Variants in BOD1L1 observed in about 807,000 individuals in gnomAD.
BOD1L1 encodes the protein biorientation of chromosomes in cell division protein 1-like 1.
In BOD1L1, 86 loss-of-function variants were observed where a neutral mutation model predicts 240.7. That is an observed-to-expected ratio of 0.36 (90% CI 0.30 to 0.43). The LOEUF (loss-of-function observed/expected upper bound fraction) is 0.43. BOD1L1 is among the 20% of genes least tolerant of loss of function. The pLI is 1.00. For synonymous variants in BOD1L1, 1,268 were observed against 1,272.3 expected (o/e 1.00, Z 0.07); for missense variants, 3,554 against 3,643.5 (o/e 0.98, Z 0.63).
chr4:13,627,462 GC>G lies in BOD1L1; in HGVS notation c.125del (p.Gly42AlafsTer15). On this transcript the variant is annotated frameshift_variant, in exon 1 of 26. Coordinates refer to ENST00000040738, the MANE Select transcript of BOD1L1 (RefSeq NM_148894.3). LOFTEE classifies it high-confidence loss of function. ...PGAGPGAGGA[G>X]GAGAGAGDPQ... The stretch of plus-strand genomic sequence containing the variant: ...GGTCCCCGGCGCCCGCACCCGCGCC[GC>G]CCGCCCCGCCCGCGCCGGGGCCAGC... The G allele has an allele frequency of 9.3e-7, 1 of 1,074,498 alleles. No homozygotes were observed. 66.6% of individuals were successfully genotyped at this position (1,074,498 alleles called of 1,614,324 possible).
chr4:13,589,522 T>C (rs1370283240), intron 14 of BOD1L1, among the ~76,000 whole-genome samples: 1 of 151,716 alleles, frequency 6.6e-6, no homozygotes, highest in Non-Finnish European at 1.5e-5. Flanking sequence ...GCAAATAAGG[T>C]GGGGAGGGTT....
At position 13,602,841 on chromosome 4, in the gene BOD1L1, A is replaced by G. The variant is rs1381316360; in HGVS notation, c.4059T>C (p.Asp1353=). The change falls in exon 10 of 26, where the codon GAT becomes GAC. Residue 1353 remains aspartate (D), a synonymous_variant. Coordinates refer to ENST00000040738, the MANE Select transcript of BOD1L1 (RefSeq NM_148894.3). ...SKEGGEGFTV[D]TPAKASITSK... ...TAGTGATGCTTGCTTTTGCTGGTGT[A>G]TCTACTGTGAAACCTTCACCACCTT... 1 of 1,613,856 alleles carries G rather than the reference A, an allele frequency of 6.2e-7. No homozygotes were observed. The highest frequency in any genetic ancestry group is 8.5e-7 in the Non-Finnish European group (1 of 1,179,892).
intron 2 of BOD1L1, among the ~76,000 whole-genome samples, chr4:13,616,784 A>G (rs1716633749): frequency 6.6e-6 from 1 of 152,214 alleles, no homozygotes; most frequent in Non-Finnish European, 1.5e-5. Flanking sequence ...TGGGCCATAG[A>G]GAAAAATGAG....
chr4:13,576,811 C>G, intron 25 of BOD1L1, 27 bp downstream of exon 25: 1 of 1,588,350 alleles, frequency 6.3e-7, no homozygotes, highest in Non-Finnish European at 8.5e-7. Context: ...GTGAAGGTCT[C>G]TGGCAGCTCT....
At position 13,576,736 on chromosome 4, in the gene BOD1L1, G is replaced by T. The variant is rs1048342265; in HGVS notation, c.9038+102C>A. On this transcript the variant is annotated intron_variant, in intron 25 of 25. Transcript: ENST00000040738. ...ATGAAAGGGAAGAACTTCCACTGCA[G>T]CATGAATGATTCAGTTCAAAGAGAA... The T allele has an allele frequency of 1.7e-5, 24 of 1,376,280 alleles. 2 individuals are homozygous for T. The South Asian group carries it at 3.4e-4, about 20-fold the overall frequency. 85.3% of individuals were successfully genotyped at this position (1,376,280 alleles called of 1,614,324 possible).
chr4:13,582,062 T>A (rs1713276502), intron 19 of BOD1L1, among the ~76,000 whole-genome samples, 175 bp downstream of exon 19: 1 of 152,012 alleles, frequency 6.6e-6, no homozygotes, highest in Non-Finnish European at 1.5e-5. Flanking sequence ...GAGAAAAAAA[T>A]TAATCAAAAT....
intron 25 of BOD1L1, among the ~76,000 whole-genome samples, chr4:13,573,932 C>T (rs1016231698): frequency 1.3e-5 from 2 of 152,156 alleles, no homozygotes; most frequent in African/African-American, 4.8e-5. Flanking sequence ...CTGCCTCAGC[C>T]TCCTGAGTAG....
Position 13,602,151 on chromosome 4 carries a change from G to A in BOD1L1, c.4749C>T (p.Cys1583=). Residue 1583 remains cysteine (C), a synonymous_variant, in exon 10 of 26, where the codon TGC becomes TGT. Coordinates refer to ENST00000040738, the MANE Select transcript of BOD1L1 (RefSeq NM_148894.3). ...PLHVGAEASE[C]TVFAAAEEGG... ...CTTCTTCAGCTGCAGCAAAAACAGTGCATTCACTGGCTTCTGCACCAACAT... is the reference window on the plus strand; with the variant it reads ...CTTCTTCAGCTGCAGCAAAAACAGTACATTCACTGGCTTCTGCACCAACAT... 1 of 1,613,948 alleles carries A rather than the reference G, an allele frequency of 6.2e-7. No individual in the cohort carries two copies. Among genetic ancestry groups the A allele is most frequent in the Non-Finnish European group, 8.5e-7 (1 of 1,179,870 alleles).
Position 13,601,354 on chromosome 4 carries a change from C to A in BOD1L1, c.5546G>T (p.Cys1849Phe). The A allele has an allele frequency of 6.2e-7, 1 of 1,614,058 alleles. No homozygotes were observed. Among genetic ancestry groups the A allele is most frequent in the South Asian group, 1.1e-5 (1 of 91,084 alleles). The change falls in exon 10 of 26, where the codon TGT (cysteine) becomes TTT (phenylalanine). Residue 1849 changes from cysteine to phenylalanine, a missense_variant. Cys to Phe is a radical substitution (Grantham distance 205). This residue lies in a region of BOD1L1 where 3,393 missense variants were observed against 3,427.1 expected (regional missense o/e 0.99). Coordinates refer to ENST00000040738, the MANE Select transcript of BOD1L1 (RefSeq NM_148894.3). ...TNVPLVAAGP[C>F]DDEGIVTSTG... ...GCTAGTCACAATGCCTTCATCATCACAAGGACCAGCAGCAACTAATGGTAC... is the reference window on the plus strand; with the variant it reads ...GCTAGTCACAATGCCTTCATCATCAAAAGGACCAGCAGCAACTAATGGTAC...
rs1304218189 is a variant in BOD1L1 at position 13,586,381 on chromosome 4, ATG to A, written c.8433+13_8433+14del. 6.9e-6 allele frequency: 11 copies of A among 1,589,976 alleles called. No individual in the cohort carries two copies. Among genetic ancestry groups the A allele is most frequent in the Non-Finnish European group, 9.5e-6 (11 of 1,160,762 alleles). ...CCCCCACCCAAAACTTAAAACTAAT[ATG>A]TGGAAAAAATACCTTTGTGTCATGT... On this transcript the variant is annotated intron_variant, in intron 17 of 25. Coordinates refer to ENST00000040738, the MANE Select transcript of BOD1L1 (RefSeq NM_148894.3).
intron 1 of BOD1L1, 67 bp from the exon 2 acceptor site, chr4:13,620,134 G>A: frequency 6.9e-7 from 1 of 1,446,792 alleles, no homozygotes; most frequent in Non-Finnish European, 9.2e-7. Flanking sequence ...TCTCAGAAAA[G>A]TATTTTTACC....
intron 1 of BOD1L1, chr4:13,625,535 C>T (rs748499060): frequency 6.6e-6 from 1 of 152,152 alleles, no homozygotes; most frequent in South Asian, 2.1e-4. Flanking sequence ...TCAGACATTG[C>T]AGCAGTACAT....
rs778995569 is a variant in BOD1L1, at chr4:13,615,400, C to T, written c.471G>A (p.Glu157=). The change falls in exon 3 of 26, where the codon GAG becomes GAA. Residue 157 remains glutamate, a synonymous_variant. Transcript: ENST00000040738. ...CTTTGTGATTTAGCGTGGCCAAAAA[C>T]TCATGCACAGCTTTCTCTACCTGAG... ...FRPQVEKAVH[E]FLATLNHKEE... 19 of 1,613,738 alleles carry T rather than the reference C, an allele frequency of 1.2e-5. No homozygotes were observed. The Admixed American group carries it at 2.8e-4, about 24-fold the overall frequency.
At position 13,570,092 on chromosome 4, in the gene BOD1L1, C is replaced by T; in HGVS notation, c.9075G>A (p.Lys3025=). The T allele has an allele frequency of 1.2e-6, 2 of 1,604,664 alleles. No individual in the cohort carries two copies. Among genetic ancestry groups the T allele is most frequent in the East Asian group, 2.3e-5 (1 of 43,914 alleles). The change falls in exon 26 of 26, where the codon AAG becomes AAA. Residue 3025 remains lysine (K), a synonymous_variant. Transcript: ENST00000040738. ...GGGCCCCAGGAGGGCTGACTTCTCT[C>T]TTGCGCTTGATAGAAGGGGAGAGCT... ...KTQLSPSIKR[K]REVSPPGART...
At chr4:13,572,034 T>C (rs889715537) in intron 25 of BOD1L1, among the ~76,000 whole-genome samples, 1 of 152,188 alleles carries the variant, frequency 6.6e-6, no homozygotes, top group African/African-American at 2.4e-5. Flanking sequence ...TGATAATGTA[T>C]AGAAAGTATG....
intron 2 of BOD1L1, among the ~76,000 whole-genome samples, chr4:13,618,027 A>G (rs1174250184): frequency 1.3e-5 from 2 of 152,186 alleles, no homozygotes; most frequent in Non-Finnish European, 2.9e-5. Context: ...AATCACTGAC[A>G]CAGCCACAAG....
chr4:13,581,180 T>G lies in BOD1L1; in HGVS notation c.8620A>C (p.Lys2874Gln). The stretch of plus-strand genomic sequence containing the variant: ...GGGTATTTGCGAGGTCTTCCTCTTT[T>G]CCTTTTAATAATTATTGGCTGATCT... ...EEDQPIIIKR[K>Q]RGRPRKYPVE... Residue 2874 changes from lysine (K) to glutamine (Q), a missense_variant, in exon 20 of 26, where the codon AAA (lysine) becomes CAA (glutamine). Lys to Gln is a moderately conservative substitution (Grantham distance 53, BLOSUM62 1). Around this residue, in one of 2 missense-constraint regions of BOD1L1, gnomAD observed 3,393 missense variants for 3,427.1 expected, o/e 0.99. Transcript: ENST00000040738. The G allele has an allele frequency of 6.4e-7, 1 of 1,572,802 alleles. No individual in the cohort carries two copies. The highest frequency in any genetic ancestry group is 8.6e-7 in the Non-Finnish European group (1 of 1,157,310).
At position 13,601,045 on chromosome 4, in the gene BOD1L1, C is replaced by A. The variant is rs1715107115; in HGVS notation, c.5855G>T (p.Gly1952Val). The A allele has an allele frequency of 6.2e-7, 1 of 1,613,948 alleles. No individual in the cohort carries two copies. The highest frequency in any genetic ancestry group is 2.2e-5 in the East Asian group (1 of 44,884). ...ACTGGTCACACTGCTTTCTACAATC[C>A]CTTTTGCACTGGAGCAGATATCTGT... ...KDTDICSSAKGIVESSVTSAV... is the reference protein window; with the variant it reads ...KDTDICSSAKVIVESSVTSAV... The change falls in exon 10 of 26, where the codon GGG becomes GTG. Residue 1952 changes from glycine (G) to valine (V), a missense_variant. Physicochemically the swap from Gly to Val is moderately radical, Grantham distance 109. Transcript: ENST00000040738.
At position 13,603,577 on chromosome 4, in the gene BOD1L1, C is replaced by T. The variant is rs144491601; in HGVS notation, c.3323G>A (p.Ser1108Asn). 3 of 1,613,890 alleles carry T rather than the reference C, an allele frequency of 1.9e-6. No individual in the cohort carries two copies. The highest frequency in any genetic ancestry group is 2.5e-6 in the Non-Finnish European group (3 of 1,179,886). ...TTCAGGGATCAATGTCATATCACCA[C>T]TCTTTTTTGGTCTCTGAAGGGAGGA... is the stretch of plus-strand genomic sequence containing the variant. ...SGSSLQRPKK[S>N]GDMTLIPEQE... The change falls in exon 10 of 26, where the codon AGT becomes AAT. Residue 1108 changes from serine (S) to asparagine (N), a missense_variant. Ser to Asn is a conservative substitution (Grantham distance 46, BLOSUM62 1). Coordinates refer to ENST00000040738, the MANE Select transcript of BOD1L1 (RefSeq NM_148894.3).
Sources: allele counts gnomAD v4.1 joint callset (sites outside exome capture counted in the v4.1 genomes callset), GRCh38; gene constraint gnomAD v4.1.1; regional missense constraint gnomAD v4.1.1; transcripts MANE v1.5; gene names NCBI Gene and HGNC (gene_info 2026-07-23, HGNC 2026-07-21).